Variants in BNC2 observed in about 807,000 individuals in gnomAD.
The protein encoded by BNC2 is zinc finger protein basonuclin-2.
A neutral mutation model predicts 76.3 loss-of-function variants in BNC2; 20 were observed. The ratio of observed to expected loss-of-function variants is 0.26; its 90% CI spans 0.18 to 0.38. The LOEUF (loss-of-function observed/expected upper bound fraction) is 0.38, where lower values mean the gene tolerates loss of function less well. BNC2 is among the 10% of genes least tolerant of loss of function. The pLI is 1.00. For missense variants in BNC2, 1,382 were observed against 1,399.8 expected (o/e 0.99, Z 0.20); for synonymous variants, 582 against 514.8 (o/e 1.13, Z -1.77).
At chr9:16,866,231 T>C (rs1428658689) in intron 1 of BNC2, among the ~76,000 whole-genome samples, 1 of 152,158 alleles carries the variant, frequency 6.6e-6, no homozygotes, top group African/African-American at 2.4e-5. Flanking sequence ...TTAAATCCTA[T>C]TTCTTTAACT....
Position 16,870,572 on chromosome 9 carries a change from G to T in BNC2, c.3+74C>A, listed in dbSNP as rs530085811. 3.2e-6 allele frequency: 5 copies of T among 1,571,274 alleles called. No homozygotes were observed. In the East Asian group the frequency reaches 7.0e-5, roughly 22 times the overall value. On this transcript the variant is annotated intron_variant, in intron 1 of 6. Transcript: ENST00000380672. Reference sequence around the variant, plus strand: ...GCGGACACGGCCCCCGGGCGGCCCCGGTGGCGCTCGGGCGCGGGGGTCATT... The same window carrying T: ...GCGGACACGGCCCCCGGGCGGCCCCTGTGGCGCTCGGGCGCGGGGGTCATT...
chr9:16,436,447 C>T lies in BNC2; in HGVS notation c.1747G>A (p.Val583Met), dbSNP rs781155581. 3.1e-6 allele frequency: 5 copies of T among 1,613,894 alleles called. No homozygotes were observed. The highest frequency in any genetic ancestry group is 3.3e-5 in the Admixed American group (2 of 59,978). The change falls in exon 6 of 7, where the codon GTG becomes ATG. Residue 583 changes from valine to methionine, a missense_variant. This residue lies in a region of BNC2 where 798 missense variants were observed against 775.5 expected (regional missense o/e 1.03). Coordinates refer to ENST00000380672, the MANE Select transcript of BNC2 (RefSeq NM_017637.6). ...YRSLLTPGEMVSPPTSLPTSP... is the reference protein window; with the variant it reads ...YRSLLTPGEMMSPPTSLPTSP... ...GTTGGGAGGGAGGTTGGAGGACTCA[C>T]CATTTCCCCTGGAGTGAGTAAACTT...
intron 3 of BNC2, among the ~76,000 whole-genome samples, chr9:16,706,600 T>C (rs1274637895): frequency 6.6e-6 from 1 of 152,214 alleles, no homozygotes. Flanking sequence ...TTGTCTTCTT[T>C]AGAGTAATTT....
chr9:16,634,655 C>T (rs1766230739), intron 3 of BNC2, among the ~76,000 whole-genome samples: 1 of 152,064 alleles, frequency 6.6e-6, no homozygotes, highest in Non-Finnish European at 1.5e-5. Context: ...GCACCTGCCA[C>T]CACACCTGGC....
intron 5 of BNC2, among the ~76,000 whole-genome samples, chr9:16,522,659 G>A (rs1236274069): frequency 6.6e-6 from 1 of 152,140 alleles, no homozygotes; most frequent in African/African-American, 2.4e-5. Context: ...TTTTAAAAGA[G>A]TTTTAATGTT....
chr9:16,853,474 T>C (rs1819178860), intron 1 of BNC2, among the ~76,000 whole-genome samples: 1 of 152,124 alleles, frequency 6.6e-6, no homozygotes, highest in African/African-American at 2.4e-5. Context: ...CGTAACTTTC[T>C]AATTACATTT....
chr9:16,506,754 T>G (rs112638340), intron 5 of BNC2, among the ~76,000 whole-genome samples: 180 of 146,660 alleles, frequency 1.2e-3, no homozygotes, highest in African/African-American at 4.2e-3. Flanking sequence ...GTTTGGTTTT[T>G]TTTGTTTGTT....
Position 16,727,926 on chromosome 9 carries a change from G to T in BNC2, c.201C>A (p.Asp67Glu). ...CAGTACAGGAGTCTCTTAAAGTCAA[G>T]TCTCTTGCCCTCTTTGGCTCTCTGT... is the stretch of plus-strand genomic sequence containing the variant. Reference protein sequence around the residue: ...QRDREPKRARDLTLRDSCTDN... With the variant: ...QRDREPKRARELTLRDSCTDN... Residue 67 changes from aspartate to glutamate, a missense_variant, in exon 3 of 7, where the codon GAC becomes GAA. This residue lies in a region of BNC2 where 557 missense variants were observed against 540.9 expected (regional missense o/e 1.03). Transcript: ENST00000380672. 1 of 1,614,070 alleles carries T rather than the reference G, an allele frequency of 6.2e-7. No homozygotes were observed.
intron 5 of BNC2, among the ~76,000 whole-genome samples, chr9:16,443,876 G>A (rs1466464268): frequency 6.6e-6 from 1 of 152,144 alleles, no homozygotes; most frequent in African/African-American, 2.4e-5. Flanking sequence ...CTTTTGGGGT[G>A]GTGAGAATGT....
chr9:16,845,865 G>A (rs1818967882), intron 1 of BNC2, among the ~76,000 whole-genome samples: 1 of 150,612 alleles, frequency 6.6e-6, no homozygotes, highest in Non-Finnish European at 1.5e-5. Flanking sequence ...AACTAATTTA[G>A]TGGCCCGGGC....
At chr9:16,595,418 A>T (rs1200056703) in intron 3 of BNC2, among the ~76,000 whole-genome samples, 3 of 152,138 alleles carry the variant, frequency 2.0e-5, no homozygotes, top group African/African-American at 7.2e-5. Context: ...TAGATTCCCC[A>T]GGGGTCTGTG....
intron 1 of BNC2, among the ~76,000 whole-genome samples, chr9:16,797,963 A>T (rs1817697408): frequency 6.6e-6 from 1 of 152,138 alleles, no homozygotes; most frequent in Admixed American, 6.5e-5. Context: ...CCATGTATTA[A>T]GTTAATGTTT....
chr9:16,418,675 T>TGTGTGTGTGTGTGTGTATGTGC lies in BNC2; in HGVS notation c.*292_*313dup. On this transcript the variant is annotated 3_prime_UTR_variant, in exon 7 of 7. Coordinates refer to ENST00000380672, the MANE Select transcript of BNC2 (RefSeq NM_017637.6). The stretch of plus-strand genomic sequence containing the variant: ...GGGCTAGTTGCACACTGTGTGTGTG[T>TGTGTGTGTGTGTGTGTATGTGC]GTGTGTGTGTGTGTGTATGTGCATG... The TGTGTGTGTGTGTGTGTATGTGC allele has an allele frequency of 3.4e-6, 1 of 297,686 alleles. No homozygotes were observed. The highest frequency in any genetic ancestry group is 6.1e-6 in the Non-Finnish European group (1 of 163,592). The allele number at this position is 297,686 out of a possible 1,614,324, so 18.4% of individuals were successfully genotyped here. A position where few individuals can be genotyped will look rare whatever the true frequency, so the allele number is the denominator to read the frequency against.
At chr9:16,520,105 C>T (rs12345513) in intron 5 of BNC2, among the ~76,000 whole-genome samples, 5,442 of 152,308 alleles carry the variant, frequency 0.036, 313 homozygotes, top group African/African-American at 0.12. Flanking sequence ...GCTCCCTTCT[C>T]TTCCAGCTAA....
chr9:16,526,583 G>A (rs1415745217), intron 5 of BNC2, among the ~76,000 whole-genome samples: 3 of 138,712 alleles, frequency 2.2e-5, no homozygotes, highest in African/African-American at 8.1e-5. Flanking sequence ...ACAAAGAAAT[G>A]TCCATTAGTC....
intron 1 of BNC2, among the ~76,000 whole-genome samples, chr9:16,859,080 GC>G (rs1247492567): frequency 1.3e-5 from 2 of 151,900 alleles, no homozygotes; most frequent in Admixed American, 6.6e-5. Flanking sequence ...ATATACAAAT[GC>G]CCAAAAAGCA....
At chr9:16,596,487 T>TA (rs1237513760) in intron 3 of BNC2, among the ~76,000 whole-genome samples, 1 of 152,060 alleles carries the variant, frequency 6.6e-6, no homozygotes, top group Non-Finnish European at 1.5e-5. Context: ...AAAATGAAAA[T>TA]TCGTATTTTA....
intron 3 of BNC2, among the ~76,000 whole-genome samples, chr9:16,629,584 G>C (rs577851025): frequency 6.6e-6 from 1 of 152,180 alleles, no homozygotes; most frequent in Non-Finnish European, 1.5e-5. Context: ...TGGGGAAAGA[G>C]TAAAGGATGA....
At chr9:16,595,844 A>G (rs1405712617) in intron 3 of BNC2, among the ~76,000 whole-genome samples, 3 of 152,164 alleles carry the variant, frequency 2.0e-5, no homozygotes, top group Non-Finnish European at 2.9e-5. Context: ...GGTTGTCAGG[A>G]ACTTTGAGCT....
Sources: gnomAD v4.1 joint callset for allele counts (sites outside exome capture counted in the v4.1 genomes callset) on GRCh38, gnomAD v4.1.1 for gene constraint, gnomAD v4.1.1 regional missense constraint, MANE v1.5 for transcripts, NCBI Gene and HGNC (gene_info 2026-07-23, HGNC 2026-07-21) for gene names.